The following EFL1 variants were observed in gnomAD, a reference collection of about 807,000 sequenced individuals.
The protein encoded by EFL1 is elongation factor-like GTPase 1.
EFL1 carries 76 observed loss-of-function variants against 126.7 expected under a neutral mutation model. The observed-to-expected ratio is 0.60, with a 90% CI of 0.50 to 0.73. EFL1 has a LOEUF of 0.73. Among genes scored for constraint, EFL1 ranks in the 30% least tolerant of loss-of-function variants. EFL1 has a pLI of 0.00. For missense variants in EFL1, 1,128 were observed against 1,343.2 expected, an observed-to-expected ratio of 0.84 and a Z score of 2.50; for synonymous variants, 410 against 448.4, an observed-to-expected ratio of 0.91 and a Z score of 1.08.
chr15:82,232,941 G>C (rs918127166), intron 7 of EFL1, among the ~76,000 whole-genome samples: 1 of 151,840 alleles, frequency 6.6e-6, no homozygotes, highest in African/African-American at 2.4e-5. Context: ...TACCCAGACT[G>C]TATTATACAT....
At chr15:82,149,193 A>G (rs2073881890) in intron 18 of EFL1, among the ~76,000 whole-genome samples, 1 of 152,138 alleles carries the variant, frequency 6.6e-6, no homozygotes, top group African/African-American at 2.4e-5. Flanking sequence ...TTACTGTTGT[A>G]ATGCTAATTA....
At chr15:82,166,952 G>A (rs1050409381) in intron 15 of EFL1, among the ~76,000 whole-genome samples, 1 of 152,218 alleles carries the variant, frequency 6.6e-6, no homozygotes. Context: ...GGGATGAGAA[G>A]TATGTTCCCT....
At chr15:82,218,162 A>G (rs370783788) in intron 14 of EFL1, among the ~76,000 whole-genome samples, 8 of 152,322 alleles carry the variant, frequency 5.3e-5, no homozygotes, top group African/African-American at 1.9e-4. Flanking sequence ...TTTCCAACCC[A>G]CAGAAACTGT....
intron 15 of EFL1, among the ~76,000 whole-genome samples, chr15:82,205,033 T>G (rs1006130139): frequency 1.3e-5 from 2 of 152,158 alleles, no homozygotes; most frequent in African/African-American, 4.8e-5. Context: ...TCAGCTGAGT[T>G]TGCAGGAGGT....
chr15:82,240,267 T>C (rs1271046680), intron 6 of EFL1, 151 bp downstream of exon 6: 4 of 712,528 alleles, frequency 5.6e-6, no homozygotes, highest in Non-Finnish European at 9.0e-6. Flanking sequence ...ACATGCTTTT[T>C]CTATTGCCTC....
Position 82,227,318 on chromosome 15 carries a change from G to A in EFL1, c.1192+132C>T, listed in dbSNP as rs2074774161. ...TGGTGAAATGGTCATTTGTGAAACT[G>A]TTCATCTGTGGAAGTGGACATTTGG... On this transcript the variant is annotated intron_variant, in intron 11 of 19. Transcript: ENST00000268206. 2.2e-6 allele frequency: 3 copies of A among 1,373,620 alleles called. No individual in the cohort carries two copies. The Admixed American group carries it at 5.2e-5, about 24-fold the overall frequency. 85.1% of individuals were successfully genotyped at this position (1,373,620 alleles called of 1,614,324 possible).
chr15:82,155,329 C>T (rs949943906), intron 17 of EFL1, among the ~76,000 whole-genome samples: 2 of 151,970 alleles, frequency 1.3e-5, no homozygotes, highest in Admixed American at 1.3e-4. Context: ...TGGTGAAACA[C>T]CATCTCTACT....
intron 16 of EFL1, among the ~76,000 whole-genome samples, chr15:82,162,827 GGATACATATGTT>G (rs2074037403): frequency 1.3e-5 from 2 of 152,114 alleles, no homozygotes; most frequent in African/African-American, 2.4e-5. Flanking sequence ...GGGAGAGGAG[GGATACATATGTT>G]CAGGAGCAAT....
intron 19 of EFL1, among the ~76,000 whole-genome samples, chr15:82,131,937 T>C (rs557708986): frequency 2.0e-5 from 3 of 151,004 alleles, no homozygotes; most frequent in Admixed American, 2.0e-4. Flanking sequence ...CAAAGGAAAG[T>C]CAAGAGCCAT....
intron 15 of EFL1, among the ~76,000 whole-genome samples, chr15:82,197,234 A>C (rs2074417977): frequency 6.6e-6 from 1 of 152,224 alleles, no homozygotes; most frequent in Non-Finnish European, 1.5e-5. Flanking sequence ...TAGAGCTAAA[A>C]AAAATGTTCC....
intron 4 of EFL1, among the ~76,000 whole-genome samples, chr15:82,249,120 T>TCTA (rs1203064890): frequency 6.6e-6 from 1 of 152,056 alleles, no homozygotes. Context: ...TACTGTATAT[T>TCTA]CTATAACACA....
At chr15:82,225,825 A>C (rs2074757372) in intron 11 of EFL1, among the ~76,000 whole-genome samples, 1 of 152,258 alleles carries the variant, frequency 6.6e-6, no homozygotes. Flanking sequence ...TTTTAATGCA[A>C]TTTCATATTA....
chr15:82,198,577 G>A (rs2141278946), intron 15 of EFL1, among the ~76,000 whole-genome samples: 1 of 152,302 alleles, frequency 6.6e-6, no homozygotes, highest in East Asian at 1.9e-4. Flanking sequence ...ATAGAGAAGA[G>A]GGCACAGAGG....
At chr15:82,146,153 A>G (rs1350266191) in intron 18 of EFL1, among the ~76,000 whole-genome samples, 1 of 152,180 alleles carries the variant, frequency 6.6e-6, no homozygotes, top group African/African-American at 2.4e-5. Flanking sequence ...AATGATTTTG[A>G]GATTATTTTC....
intron 4 of EFL1, among the ~76,000 whole-genome samples, chr15:82,247,931 A>T (rs1267647579): frequency 6.6e-6 from 1 of 152,092 alleles, no homozygotes; most frequent in Non-Finnish European, 1.5e-5. Flanking sequence ...GAAAGGAGAT[A>T]ACTCAAGCCT....
chr15:82,210,267 C>A (rs2074569950), intron 15 of EFL1, among the ~76,000 whole-genome samples: 1 of 152,200 alleles, frequency 6.6e-6, no homozygotes, highest in Admixed American at 6.5e-5. Context: ...AGTTCCCTCC[C>A]TTTGAACATG....
intron 15 of EFL1, among the ~76,000 whole-genome samples, chr15:82,168,805 T>A (rs1031464124): frequency 9.2e-5 from 14 of 152,194 alleles, no homozygotes; most frequent in African/African-American, 3.4e-4. Flanking sequence ...TAATAATAGT[T>A]CTTACACATA....
At chr15:82,250,007 C>A (rs560184373) in intron 4 of EFL1, among the ~76,000 whole-genome samples, 90 of 152,166 alleles carry the variant, frequency 5.9e-4, no homozygotes, top group African/African-American at 2.1e-3. Context: ...TACACAGATT[C>A]TCAAATAAGA....
intron 14 of EFL1, among the ~76,000 whole-genome samples, chr15:82,215,336 T>C (rs1425770561): frequency 6.6e-6 from 1 of 152,064 alleles, no homozygotes; most frequent in African/African-American, 2.4e-5. Context: ...GAAGGGTAGT[T>C]AGATGTGATA....
Sources: gnomAD v4.1 joint callset for allele counts (sites outside exome capture counted in the v4.1 genomes callset) on GRCh38, gnomAD v4.1.1 for gene constraint, MANE v1.5 for transcripts, NCBI Gene and HGNC (gene_info 2026-07-23, HGNC 2026-07-21) for gene names.